Variants in CDH18 observed in about 807,000 individuals in gnomAD.
The protein encoded by CDH18 is cadherin 18, also known as cadherin-18.
A neutral mutation model predicts 67.9 loss-of-function variants in CDH18; 31 were observed. That is an observed-to-expected ratio of 0.46 (90% confidence interval 0.34 to 0.62). The LOEUF (loss-of-function observed/expected upper bound fraction) is 0.62. Ranked by LOEUF, CDH18 falls within the 20% of genes least tolerant of loss-of-function variation. The probability of loss-of-function intolerance (pLI) is 0.01; values close to 1 mark genes in which losing one functional copy is unlikely to be tolerated. For missense variants in CDH18, 890 were observed against 975.5 expected (o/e 0.91, Z 1.17); for synonymous variants, 362 against 347.2 (o/e 1.04, Z -0.48).
intron 7 of CDH18, among the ~76,000 whole-genome samples, chr5:19,590,229 A>C (rs1366013306): frequency 6.6e-6 from 1 of 152,040 alleles, no homozygotes; most frequent in Non-Finnish European, 1.5e-5. Flanking sequence ...TAGGTTTGAC[A>C]ATTTGAGAAA....
intron 2 of CDH18, among the ~76,000 whole-genome samples, chr5:19,873,713 T>C (rs1786595104): frequency 6.6e-6 from 1 of 152,108 alleles, no homozygotes; most frequent in Non-Finnish European, 1.5e-5. Context: ...AGTGGCACGA[T>C]CTTGGCTCAC....
chr5:19,885,672 T>C (rs1346013590), intron 2 of CDH18, among the ~76,000 whole-genome samples: 1 of 152,164 alleles, frequency 6.6e-6, no homozygotes, highest in Non-Finnish European at 1.5e-5. Flanking sequence ...GTAATCCTCC[T>C]GTTTCAGCCT....
At chr5:19,814,345 T>C (rs1779066203) in intron 3 of CDH18, among the ~76,000 whole-genome samples, 1 of 151,248 alleles carries the variant, frequency 6.6e-6, no homozygotes, top group Middle Eastern at 3.4e-3. Flanking sequence ...CTTCCAGGCA[T>C]GAATTATGTC....
chr5:19,970,649 T>C (rs904364675), intron 2 of CDH18, among the ~76,000 whole-genome samples: 1 of 151,776 alleles, frequency 6.6e-6, no homozygotes, highest in Admixed American at 6.6e-5. Context: ...TGAAGAAATA[T>C]TTAAATGCTA....
chr5:19,724,512 T>TACACAC (rs34923644), intron 4 of CDH18, among the ~76,000 whole-genome samples: 35 of 148,890 alleles, frequency 2.4e-4, no homozygotes, highest in African/African-American at 7.7e-4. Flanking sequence ...CACACAGACA[T>TACACAC]ACACACACAC....
intron 1 of CDH18, among the ~76,000 whole-genome samples, chr5:20,384,000 A>G (rs895589312): frequency 6.6e-6 from 1 of 152,158 alleles, no homozygotes; most frequent in Admixed American, 6.6e-5. Context: ...TATCAATACT[A>G]TCAAAGATAA....
At chr5:19,785,048 G>C in intron 3 of CDH18, among the ~76,000 whole-genome samples, 1 of 152,070 alleles carries the variant, frequency 6.6e-6, no homozygotes, top group South Asian at 2.1e-4. Context: ...CTTCCTCTCT[G>C]TAATATATAA....
chr5:19,482,125 T>C (rs192043480), intron 12 of CDH18, among the ~76,000 whole-genome samples: 1 of 151,632 alleles, frequency 6.6e-6, no homozygotes, highest in East Asian at 1.9e-4. Flanking sequence ...TTATTATTAT[T>C]ATTTTTTTGA....
intron 1 of CDH18, among the ~76,000 whole-genome samples, chr5:20,540,814 T>C (rs1270358209): frequency 6.6e-6 from 1 of 152,198 alleles, no homozygotes; most frequent in Admixed American, 6.5e-5. Context: ...AGGGCTACAT[T>C]CCATCTGAGG....
chr5:20,283,091 G>T (rs138308569), intron 1 of CDH18, among the ~76,000 whole-genome samples: 6 of 151,788 alleles, frequency 4.0e-5, no homozygotes, highest in Non-Finnish European at 8.8e-5. Flanking sequence ...CTAGACCCCT[G>T]CTTCTTGTCT....
At chr5:19,653,821 G>A (rs78875256) in intron 5 of CDH18, among the ~76,000 whole-genome samples, 142 of 152,248 alleles carry the variant, frequency 9.3e-4, no homozygotes, top group East Asian at 2.9e-3. Flanking sequence ...GTGATGGCCT[G>A]CACTTGGCTC....
At chr5:19,893,327 C>A (rs191740666) in intron 2 of CDH18, among the ~76,000 whole-genome samples, 13 of 152,106 alleles carry the variant, frequency 8.5e-5, no homozygotes, top group Non-Finnish European at 1.5e-5. Context: ...AATATTGATA[C>A]AAATTGTGTT....
At chr5:19,684,406 G>T (rs908346016) in intron 5 of CDH18, among the ~76,000 whole-genome samples, 1 of 150,934 alleles carries the variant, frequency 6.6e-6, no homozygotes, top group African/African-American at 2.4e-5. Flanking sequence ...AAAAGAGAAA[G>T]AATTGAGGGA....
rs112442957 is a variant in CDH18, at chr5:19,835,387, T to G, written c.228+3372A>C. On this transcript the variant is annotated intron_variant, in intron 3 of 12. Coordinates refer to ENST00000382275, the MANE Select transcript of CDH18 (RefSeq NM_004934.5). ...CCTGTTGGGGGGTGGGGAGGGAACT[T>G]AGAAGACAGGTCAATAGGTGCAGCA... Among the ~76,000 whole-genome samples the G allele has an allele frequency of 4.5e-3, 679 of 151,956 alleles. 5 individuals carry two copies. Among genetic ancestry groups the G allele is most frequent in the Non-Finnish European group, 6.0e-3 (409 of 67,940 alleles).
intron 2 of CDH18, among the ~76,000 whole-genome samples, chr5:20,235,926 GA>G (rs1742442523): frequency 6.6e-6 from 1 of 152,068 alleles, no homozygotes; most frequent in Non-Finnish European, 1.5e-5. Context: ...GACATAAAAA[GA>G]ACAAAATCAT....
chr5:19,682,453 T>G (rs1236710057), intron 5 of CDH18, among the ~76,000 whole-genome samples: 2 of 152,056 alleles, frequency 1.3e-5, no homozygotes, highest in Non-Finnish European at 2.9e-5. Flanking sequence ...TCTTTTTTGC[T>G]TCTAAGACAC....
intron 2 of CDH18, among the ~76,000 whole-genome samples, chr5:19,953,458 ATT>A (rs1321488028): frequency 1.3e-5 from 2 of 151,994 alleles, no homozygotes; most frequent in Non-Finnish European, 2.9e-5. Context: ...CTGTTTGTTT[ATT>A]ATACTGATAT....
chr5:20,149,882 C>A (rs1750966187), intron 2 of CDH18, among the ~76,000 whole-genome samples: 1 of 151,822 alleles, frequency 6.6e-6, no homozygotes, highest in African/African-American at 2.4e-5. Context: ...CACTAGGAAA[C>A]AGAAGAGTAA....
chr5:19,503,548 T>C (rs1481434335), intron 10 of CDH18, among the ~76,000 whole-genome samples: 9 of 152,130 alleles, frequency 5.9e-5, no homozygotes, highest in Non-Finnish European at 1.3e-4. Flanking sequence ...CTTGGTTTTA[T>C]TATTTTTTTC....
Sources: allele counts gnomAD v4.1 joint callset (sites outside exome capture counted in the v4.1 genomes callset), GRCh38; gene constraint gnomAD v4.1.1; transcripts MANE v1.5; gene names NCBI Gene and HGNC (gene_info 2026-07-23, HGNC 2026-07-21).